The following SPIDR variants were observed in gnomAD, a reference collection of about 807,000 sequenced individuals.
SPIDR encodes the protein scaffold protein involved in DNA repair.
In SPIDR, 93 loss-of-function variants were observed where a neutral mutation model predicts 104.6. The ratio of observed to expected loss-of-function variants is 0.89; its 90% CI spans 0.75 to 1.06. The LOEUF (loss-of-function observed/expected upper bound fraction) is 1.06. Ranked by LOEUF, SPIDR falls within the 50% of genes least tolerant of loss-of-function variation. The probability of loss-of-function intolerance (pLI) is 0.00; values close to 1 mark genes in which losing one functional copy is unlikely to be tolerated. For missense variants in SPIDR, 1,154 were observed against 1,111.2 expected (o/e 1.04, Z -0.55); for synonymous variants, 431 against 416.9 (o/e 1.03, Z -0.41).
intron 1 of SPIDR, among the ~76,000 whole-genome samples, chr8:47,270,770 TC>T (rs1213862303): frequency 6.6e-6 from 1 of 152,172 alleles, no homozygotes; most frequent in Non-Finnish European, 1.5e-5. Flanking sequence ...TTGTTTTCAT[TC>T]CTTTTAAAGT....
In SPIDR at chr8:47,440,314, A is replaced by G. The variant is rs782019847; in HGVS notation, c.878-9A>G. Reference sequence around the variant, plus strand: ...TCATTTTTGCTTTGTTCTTTTCTTCAACTTCTAGGTAGAAAATCTGGTGTA... The same window carrying G: ...TCATTTTTGCTTTGTTCTTTTCTTCGACTTCTAGGTAGAAAATCTGGTGTA... On this transcript the variant is annotated splice_polypyrimidine_tract_variant and intron_variant, in intron 7 of 19. Coordinates refer to ENST00000297423, the MANE Select transcript of SPIDR (RefSeq NM_001080394.4). 1 of 1,611,714 alleles carries G rather than the reference A, an allele frequency of 6.2e-7. No homozygotes were observed. Among genetic ancestry groups the G allele is most frequent in the South Asian group, 1.1e-5 (1 of 91,000 alleles).
intron 8 of SPIDR, among the ~76,000 whole-genome samples, chr8:47,456,408 C>T (rs1554709837): frequency 6.6e-6 from 1 of 152,172 alleles, no homozygotes; most frequent in African/African-American, 2.4e-5. Context: ...GGCTAAGTCA[C>T]TCAGACTGAT....
chr8:47,483,953 C>G (rs1421614050), intron 8 of SPIDR, among the ~76,000 whole-genome samples: 2 of 151,748 alleles, frequency 1.3e-5, no homozygotes, highest in African/African-American at 2.4e-5. Context: ...CAACTTGAAA[C>G]CTGGAAAATT....
chr8:47,364,055 T>C (rs116659323), intron 5 of SPIDR, among the ~76,000 whole-genome samples: 1 of 152,198 alleles, frequency 6.6e-6, no homozygotes, highest in African/African-American at 2.4e-5. Flanking sequence ...ACATGGAGAA[T>C]GGGAAAATAA....
intron 8 of SPIDR, among the ~76,000 whole-genome samples, chr8:47,502,171 C>G (rs535395479): frequency 1.3e-4 from 20 of 152,058 alleles, no homozygotes; most frequent in African/African-American, 3.9e-4. Context: ...GAGTTAGGGA[C>G]GATTCCCTCT....
At chr8:47,267,512 T>G (rs1403892870) in intron 1 of SPIDR, among the ~76,000 whole-genome samples, 1 of 152,238 alleles carries the variant, frequency 6.6e-6, no homozygotes, top group South Asian at 2.1e-4. Context: ...ACATTCTTGC[T>G]AACACTTGCC....
intron 10 of SPIDR, among the ~76,000 whole-genome samples, chr8:47,604,105 A>G (rs2062648837): frequency 6.6e-6 from 1 of 152,226 alleles, no homozygotes; most frequent in African/African-American, 2.4e-5. Context: ...AAATGCATTT[A>G]TGATTACAAG....
At chr8:47,355,322 A>T (rs1456178793) in intron 5 of SPIDR, among the ~76,000 whole-genome samples, 2 of 135,448 alleles carry the variant, frequency 1.5e-5, no homozygotes, top group Admixed American at 7.5e-5. Context: ...GGAATGTGTG[A>T]TTTTTTTTTT....
chr8:47,490,448 A>G lies in SPIDR; in HGVS notation c.1097+49906A>G, dbSNP rs191792765. On this transcript the variant is annotated intron_variant, in intron 8 of 19. Coordinates refer to ENST00000297423, the MANE Select transcript of SPIDR (RefSeq NM_001080394.4). ...TGGAAGACAGTGTGGCGATTCCTCA[A>G]GGATCTAGAACTAGAAATACCATTT... Among the ~76,000 whole-genome samples, 545 of 152,300 alleles carry G rather than the reference A, an allele frequency of 3.6e-3. 3 individuals carry two copies. Among genetic ancestry groups the G allele is most frequent in the African/African-American group, 0.013 (523 of 41,558 alleles).
rs914530466 is a variant in SPIDR at position 47,635,293 on chromosome 8, G to A, written c.1544+36097G>A. Among the ~76,000 whole-genome samples, 6 of 152,094 alleles carry A rather than the reference G, an allele frequency of 3.9e-5. No individual in the cohort carries two copies. In the East Asian group the frequency reaches 7.7e-4, roughly 20 times the overall value. On this transcript the variant is annotated intron_variant, in intron 10 of 19. Coordinates refer to ENST00000297423, the MANE Select transcript of SPIDR (RefSeq NM_001080394.4). ...TGGGAGGTGGAGGTTGCAGTGAGCC[G>A]AGATTATGCCACTCCTCTCCAGCCT...
chr8:47,670,535 T>A (rs72646378), intron 10 of SPIDR, among the ~76,000 whole-genome samples: 2,464 of 152,294 alleles, frequency 0.016, 23 homozygotes, highest in Non-Finnish European at 0.026. Context: ...ATTTAATGTT[T>A]TTTCTTTGTG....
chr8:47,320,817 C>T (rs1429980263), intron 5 of SPIDR, among the ~76,000 whole-genome samples: 1 of 152,108 alleles, frequency 6.6e-6, no homozygotes, highest in Non-Finnish European at 1.5e-5. Flanking sequence ...AAACATAATC[C>T]ATCATATAAA....
intron 11 of SPIDR, among the ~76,000 whole-genome samples, chr8:47,680,217 A>G (rs1354791283): frequency 3.3e-5 from 5 of 152,220 alleles, no homozygotes; most frequent in Non-Finnish European, 2.9e-5. Context: ...TTTCACAGGA[A>G]AAAAAGTTGT....
At chr8:47,401,393 G>C (rs1340374212) in intron 6 of SPIDR, among the ~76,000 whole-genome samples, 3 of 152,184 alleles carry the variant, frequency 2.0e-5, no homozygotes, top group Non-Finnish European at 4.4e-5. Flanking sequence ...AAATTGTAAA[G>C]ACCATTGAGG....
intron 10 of SPIDR, among the ~76,000 whole-genome samples, chr8:47,627,139 C>CA (rs2066277475): frequency 6.6e-6 from 1 of 152,050 alleles, no homozygotes; most frequent in African/African-American, 2.4e-5. Context: ...ATCACAAGGA[C>CA]AAAAAACCGA....
At chr8:47,486,753 C>A (rs543679164) in intron 8 of SPIDR, among the ~76,000 whole-genome samples, 1 of 152,156 alleles carries the variant, frequency 6.6e-6, no homozygotes, top group Non-Finnish European at 1.5e-5. Flanking sequence ...CCAAACTACG[C>A]TTCATAAGTG....
At chr8:47,558,849 C>T (rs1189407649) in intron 8 of SPIDR, among the ~76,000 whole-genome samples, 1 of 152,104 alleles carries the variant, frequency 6.6e-6, no homozygotes, top group Non-Finnish European at 1.5e-5. Flanking sequence ...ACTGTGTTAG[C>T]CGGGATGAGT....
At chr8:47,599,334 T>G in intron 10 of SPIDR, 138 bp downstream of exon 10, 1 of 1,195,780 alleles carries the variant, frequency 8.4e-7, no homozygotes, top group Non-Finnish European at 1.1e-6. Flanking sequence ...TTTCCTTGCA[T>G]CAAAATTTGG....
At chr8:47,497,019 A>G (rs993330016) in intron 8 of SPIDR, among the ~76,000 whole-genome samples, 5 of 151,966 alleles carry the variant, frequency 3.3e-5, no homozygotes, top group Non-Finnish European at 5.9e-5. Context: ...TTAGTGTGCT[A>G]TAGAATCCCT....
Sources: allele counts gnomAD v4.1 joint callset (sites outside exome capture counted in the v4.1 genomes callset), GRCh38; gene constraint gnomAD v4.1.1; transcripts MANE v1.5; gene names NCBI Gene and HGNC (gene_info 2026-07-23, HGNC 2026-07-21).